Variants in LY96 observed in about 807,000 individuals in gnomAD.
LY96 encodes lymphocyte antigen 96, also known as myeloid differentiation protein-2.
Under a neutral mutation model 18.9 loss-of-function variants are expected in LY96, and 18 were observed. The ratio of observed to expected loss-of-function variants is 0.95; its 90% confidence interval spans 0.66 to 1.41. The LOEUF is 1.41. Ranked by LOEUF, LY96 falls within the 40% of genes most tolerant of loss-of-function variation. The probability of loss-of-function intolerance (pLI) is 0.00; values close to 1 mark genes in which losing one functional copy is unlikely to be tolerated. For synonymous variants in LY96, 66 were observed against 62.6 expected, an observed-to-expected ratio of 1.06 and a Z score of -0.26; for missense variants, 175 against 182.4, an observed-to-expected ratio of 0.96 and a Z score of 0.23.
downstream of LY96, among the ~76,000 whole-genome samples, chr8:74,033,704 C>T (rs1817005769): frequency 6.6e-6 from 1 of 152,304 alleles, no homozygotes; most frequent in East Asian, 1.9e-4. Flanking sequence ...AAAGAGGAGT[C>T]AAGCAAATCT....
At chr8:74,085,444 C>G in the LY96 span, among the ~76,000 whole-genome samples, 1 of 152,192 alleles carries the variant, frequency 6.6e-6, no homozygotes, top group Non-Finnish European at 1.5e-5. Flanking sequence ...TAGACAGACC[C>G]AAGTTACTCA....
chr8:74,087,570 C>T, the LY96 span, among the ~76,000 whole-genome samples: 1 of 152,174 alleles, frequency 6.6e-6, no homozygotes, highest in African/African-American at 2.4e-5. Context: ...GTGTTACAAA[C>T]CTCTGGGTGG....
intron 3 of LY96, among the ~76,000 whole-genome samples, chr8:74,012,349 A>G (rs1425745229): frequency 6.6e-6 from 1 of 152,260 alleles, no homozygotes; most frequent in Non-Finnish European, 1.5e-5. Flanking sequence ...GAATACTATT[A>G]AGCCATTAAA....
intron 1 of LY96, among the ~76,000 whole-genome samples, chr8:73,993,524 C>T (rs765363193): frequency 6.6e-5 from 10 of 152,118 alleles, no homozygotes; most frequent in African/African-American, 1.7e-4. Context: ...CTCACTGCAA[C>T]GACCGCCTCC....
the LY96 span, among the ~76,000 whole-genome samples, chr8:74,068,558 T>C: frequency 1.3e-5 from 2 of 152,230 alleles, no homozygotes; most frequent in African/African-American, 4.8e-5. Flanking sequence ...AAATTAGTTG[T>C]ACTTTACATT....
chr8:74,011,098 G>A (rs1477002846), intron 3 of LY96, among the ~76,000 whole-genome samples: 3 of 151,990 alleles, frequency 2.0e-5, no homozygotes, highest in Non-Finnish European at 4.4e-5. Context: ...TGAGCAAATC[G>A]TGATTTACGT....
chr8:74,084,858 G>T, the LY96 span, among the ~76,000 whole-genome samples: 6 of 151,952 alleles, frequency 3.9e-5, no homozygotes, highest in Non-Finnish European at 8.8e-5. Flanking sequence ...CAAGTGATCC[G>T]CCTGCCTTGA....
chr8:74,039,076 G>A, the LY96 span, among the ~76,000 whole-genome samples: 1 of 152,162 alleles, frequency 6.6e-6, no homozygotes, highest in African/African-American at 2.4e-5. Context: ...CCATTTAACT[G>A]GGGTGAGATA....
intron 3 of LY96, among the ~76,000 whole-genome samples, chr8:74,021,295 A>G (rs1176212274): frequency 6.6e-6 from 1 of 152,252 alleles, no homozygotes; most frequent in Non-Finnish European, 1.5e-5. Context: ...GAAGACATTT[A>G]TGCAGCCAAG....
At chr8:74,031,263 T>C (rs1816965114), downstream of LY96, among the ~76,000 whole-genome samples, 1 of 152,162 alleles carries the variant, frequency 6.6e-6, no homozygotes, top group African/African-American at 2.4e-5. Context: ...TTCTTTTCTC[T>C]TCTGCCTATT....
At chr8:74,033,674 G>A (rs1817005427), downstream of LY96, among the ~76,000 whole-genome samples, 1 of 152,198 alleles carries the variant, frequency 6.6e-6, no homozygotes, top group African/African-American at 2.4e-5. Flanking sequence ...CATCTTGTTT[G>A]GAAGGCTGCT....
the LY96 span, among the ~76,000 whole-genome samples, chr8:74,068,079 A>ATATATATATATATATATAT: frequency 2.1e-5 from 2 of 97,200 alleles, no homozygotes; most frequent in African/African-American, 1.3e-4. Flanking sequence ...AAAAAAAAAA[A>ATATATATATATATATATAT]AAAAAAAAAA....
chr8:74,071,554 AC>A, the LY96 span, among the ~76,000 whole-genome samples: 87 of 152,268 alleles, frequency 5.7e-4, no homozygotes, highest in Admixed American at 9.8e-4. Context: ...TATCACAAAT[AC>A]TGTGAACCAC....
intron 3 of LY96, among the ~76,000 whole-genome samples, chr8:74,011,934 A>G (rs1483340124): frequency 8.1e-6 from 1 of 123,608 alleles, no homozygotes; most frequent in African/African-American, 3.9e-5. Context: ...ACAGATAGAA[A>G]TGGTCAATAG....
the LY96 span, among the ~76,000 whole-genome samples, chr8:74,054,986 A>T: frequency 6.6e-6 from 1 of 152,026 alleles, no homozygotes; most frequent in South Asian, 2.1e-4. Context: ...GACCTACTGC[A>T]GCCTTGACCT....
chr8:74,031,781 A>G (rs538918398), downstream of LY96, among the ~76,000 whole-genome samples: 7 of 152,242 alleles, frequency 4.6e-5, no homozygotes, highest in African/African-American at 9.6e-5. Context: ...ACCTGTGGTT[A>G]CCAAGAAGAC....
At chr8:74,052,327 T>G in the LY96 span, 2 of 152,258 alleles carry the variant, frequency 1.3e-5, no homozygotes, top group Non-Finnish European at 2.9e-5. Context: ...GGCAACCCTG[T>G]GTGCACACAG....
chr8:74,003,789 C>T (rs923311750), intron 1 of LY96, among the ~76,000 whole-genome samples: 1 of 152,172 alleles, frequency 6.6e-6, no homozygotes, highest in African/African-American at 2.4e-5. Context: ...CCTGCTACTG[C>T]CTTTGAGATG....
chr8:74,076,873 T>A, the LY96 span, among the ~76,000 whole-genome samples: 3 of 152,180 alleles, frequency 2.0e-5, no homozygotes, highest in Non-Finnish European at 4.4e-5. Context: ...TGGCATCAGA[T>A]CCCATAAGTT....
Sources: allele counts gnomAD v4.1 joint callset (sites outside exome capture counted in the v4.1 genomes callset), GRCh38; gene constraint gnomAD v4.1.1; transcripts MANE v1.5; gene names NCBI Gene and HGNC (gene_info 2026-07-23, HGNC 2026-07-21).